Variants in FOXN3 observed in about 807,000 individuals in gnomAD.
FOXN3 encodes the protein forkhead box N3.
In FOXN3, 7 loss-of-function variants were observed where a neutral mutation model predicts 38.4. The observed-to-expected ratio is 0.18, with a 90% CI of 0.10 to 0.34. The LOEUF (loss-of-function observed/expected upper bound fraction) is 0.34. FOXN3 is among the 10% of genes least tolerant of loss of function. The pLI, the probability that FOXN3 is intolerant of heterozygous loss-of-function variation, is 1.00. For missense variants in FOXN3, 456 were observed against 613.4 expected (o/e 0.74, Z 2.71); for synonymous variants, 230 against 242.2 (o/e 0.95, Z 0.47).
rs957820725 is a variant in FOXN3, at chr14:89,548,775, G to A, written c.-15+70253C>T. The stretch of plus-strand genomic sequence containing the variant: ...CAAATACCTGCTCACAGCCAATACT[G>A]GTCAGTGACAAAGTTTTCAAAATGA... On this transcript the variant is annotated intron_variant, in intron 1 of 6. Transcript: ENST00000345097. The surrounding 1 kb of genome is among the most constrained non-coding windows in gnomAD (Gnocchi z 4.8). 7.9e-5 allele frequency among the ~76,000 whole-genome samples: 12 copies of A among 152,028 alleles called. No homozygotes were observed. The highest frequency in any genetic ancestry group is 2.9e-4 in the African/African-American group (12 of 41,394).
At chr14:89,328,885 A>G (rs987846820) in intron 3 of FOXN3, among the ~76,000 whole-genome samples, 3 of 152,198 alleles carry the variant, frequency 2.0e-5, no homozygotes, top group Non-Finnish European at 2.9e-5. Context: ...AGAGAAAGAT[A>G]TAAGACGTGC....
chr14:89,597,533 C>A (rs1246277671), intron 1 of FOXN3, among the ~76,000 whole-genome samples: 1 of 151,984 alleles, frequency 6.6e-6, no homozygotes, highest in Non-Finnish European at 1.5e-5. Context: ...CTAGATTGTA[C>A]CAATTACTGA....
intron 1 of FOXN3, among the ~76,000 whole-genome samples, chr14:89,476,154 A>G (rs1893205070): frequency 6.6e-6 from 1 of 152,184 alleles, no homozygotes; most frequent in Admixed American, 6.5e-5. Flanking sequence ...TGTCACAAAC[A>G]CACACCTTTT....
intron 4 of FOXN3, among the ~76,000 whole-genome samples, chr14:89,218,710 G>C (rs1884362053): frequency 6.6e-6 from 1 of 152,162 alleles, no homozygotes; most frequent in African/African-American, 2.4e-5. Flanking sequence ...GCTGTAGTGA[G>C]CCTCCTTGCA....
At chr14:89,290,597 C>A in intron 3 of FOXN3, 1 of 550,316 alleles carries the variant, frequency 1.8e-6, no homozygotes, top group South Asian at 1.5e-5. Context: ...CAAGGTCATT[C>A]CTGTCTTCTT....
chr14:89,505,629 C>G (rs1375249476), intron 1 of FOXN3, among the ~76,000 whole-genome samples: 2 of 152,068 alleles, frequency 1.3e-5, no homozygotes, highest in African/African-American at 2.4e-5. Flanking sequence ...TCGCTACAAC[C>G]TCCACCTCCC....
intron 1 of FOXN3, among the ~76,000 whole-genome samples, chr14:89,612,972 C>T (rs908636772): frequency 6.6e-6 from 1 of 151,918 alleles, no homozygotes; most frequent in Non-Finnish European, 1.5e-5. Context: ...ACAAAATTAG[C>T]CAGGCGTGGT....
intron 1 of FOXN3, among the ~76,000 whole-genome samples, chr14:89,572,414 T>C (rs1298611952): frequency 1.3e-5 from 2 of 152,184 alleles, no homozygotes; most frequent in African/African-American, 2.4e-5. Context: ...GCCACTGAAG[T>C]TGATAAGTTT....
At chr14:89,300,301 G>A (rs1887178394) in intron 3 of FOXN3, among the ~76,000 whole-genome samples, 1 of 150,038 alleles carries the variant, frequency 6.7e-6, no homozygotes, top group Admixed American at 6.7e-5. Context: ...TCCTGCCTCA[G>A]CCTCCCAAGT....
intron 3 of FOXN3, among the ~76,000 whole-genome samples, chr14:89,344,738 T>C (rs11627373): frequency 0.17 from 25,107 of 152,090 alleles, 2,314 homozygotes; most frequent in South Asian, 0.38. Flanking sequence ...CTGTCAGACA[T>C]TGAGAAAGGT....
At chr14:89,197,320 A>G (rs538982290) in intron 4 of FOXN3, among the ~76,000 whole-genome samples, 1 of 152,268 alleles carries the variant, frequency 6.6e-6, no homozygotes, top group Non-Finnish European at 1.5e-5. Flanking sequence ...CAGCCTGGCC[A>G]ACATGGTGAA....
At chr14:89,483,201 T>C (rs548620146) in intron 1 of FOXN3, among the ~76,000 whole-genome samples, 1 of 152,210 alleles carries the variant, frequency 6.6e-6, no homozygotes, top group African/African-American at 2.4e-5. Context: ...AGTGGGACTC[T>C]GTCTCAAAAA....
At chr14:89,390,815 T>C (rs952504269) in intron 2 of FOXN3, among the ~76,000 whole-genome samples, 3 of 152,148 alleles carry the variant, frequency 2.0e-5, no homozygotes, top group Admixed American at 6.6e-5. Flanking sequence ...CCCCCGCAGC[T>C]TGCAGGACTA....
chr14:89,305,296 A>G (rs1314913091), intron 3 of FOXN3, among the ~76,000 whole-genome samples: 1 of 152,186 alleles, frequency 6.6e-6, no homozygotes, highest in African/African-American at 2.4e-5. Context: ...TTCAGAACCC[A>G]TCGTTCAACA....
At chr14:89,236,016 A>C (rs985624972) in intron 4 of FOXN3, among the ~76,000 whole-genome samples, 4 of 152,206 alleles carry the variant, frequency 2.6e-5, no homozygotes, top group Admixed American at 6.5e-5. Context: ...TCACACAACT[A>C]AGGAGTGGCA....
chr14:89,197,522 C>G (rs955557711), intron 4 of FOXN3, among the ~76,000 whole-genome samples: 1 of 151,202 alleles, frequency 6.6e-6, no homozygotes, highest in Non-Finnish European at 1.5e-5. Context: ...AAAAAGAGCA[C>G]GGGTACATGG....
chr14:89,569,751 T>C (rs916312103), intron 1 of FOXN3, among the ~76,000 whole-genome samples: 1 of 152,158 alleles, frequency 6.6e-6, no homozygotes, highest in Non-Finnish European at 1.5e-5. Context: ...ACAACATCTA[T>C]ACATCTGTGG....
chr14:89,329,979 A>C (rs780978526), intron 3 of FOXN3, among the ~76,000 whole-genome samples: 5 of 151,700 alleles, frequency 3.3e-5, no homozygotes, highest in Non-Finnish European at 7.4e-5. Flanking sequence ...TTTCAAGATC[A>C]TTATCATGAT....
chr14:89,350,408 C>A (rs1321862830), intron 3 of FOXN3: 3 of 306,822 alleles, frequency 9.8e-6, no homozygotes, highest in Non-Finnish European at 1.8e-5. Flanking sequence ...GTCGACTTTT[C>A]TTTGTAAATG....
Sources: allele counts gnomAD v4.1 joint callset (sites outside exome capture counted in the v4.1 genomes callset), GRCh38; gene constraint gnomAD v4.1.1; non-coding constraint Gnocchi (gnomAD v3.1); transcripts MANE v1.5; gene names NCBI Gene and HGNC (gene_info 2026-07-23, HGNC 2026-07-21).